DCUN1D1: variants seen among roughly 807,000 people sequenced by gnomAD.
The protein encoded by DCUN1D1 is DCN1-like protein 1.
A neutral mutation model predicts 39.0 loss-of-function variants in DCUN1D1; 3 were observed. The ratio of observed to expected loss-of-function variants is 0.08; its 90% confidence interval spans 0.04 to 0.20. DCUN1D1 has a LOEUF of 0.20. DCUN1D1 is among the 10% of genes least tolerant of loss of function. The probability of loss-of-function intolerance (pLI) is 1.00; values close to 1 mark genes in which losing one functional copy is unlikely to be tolerated. For synonymous variants in DCUN1D1, 82 were observed against 96.3 expected (o/e 0.85, Z 0.87); for missense variants, 158 against 302.4 (o/e 0.52, Z 3.54).
chr3:182,961,922 A>T (rs566369413), intron 3 of DCUN1D1, among the ~76,000 whole-genome samples: 1 of 152,348 alleles, frequency 6.6e-6, no homozygotes, highest in South Asian at 2.1e-4. Flanking sequence ...ACTTTCGAAG[A>T]GTTTGAAAAG....
At chr3:182,970,250 C>T (rs1485826458) in intron 1 of DCUN1D1, among the ~76,000 whole-genome samples, 3 of 150,742 alleles carry the variant, frequency 2.0e-5, no homozygotes, top group African/African-American at 2.5e-5. Flanking sequence ...GGTGACAGAG[C>T]GAAATCTTAA....
chr3:182,973,051 A>AT (rs1728029876), intron 1 of DCUN1D1, among the ~76,000 whole-genome samples: 1 of 151,416 alleles, frequency 6.6e-6, no homozygotes, highest in Non-Finnish European at 1.5e-5. Context: ...TCAAAAAAAA[A>AT]GGGGGGGGCT....
At chr3:182,950,445 C>A (rs1325316291) in intron 4 of DCUN1D1, among the ~76,000 whole-genome samples, 1 of 152,052 alleles carries the variant, frequency 6.6e-6, no homozygotes, top group African/African-American at 2.4e-5. Flanking sequence ...CGCGCCCAGC[C>A]AAGTTATCAC....
At chr3:182,977,662 T>C (rs1456970822) in intron 1 of DCUN1D1, among the ~76,000 whole-genome samples, 2 of 151,916 alleles carry the variant, frequency 1.3e-5, no homozygotes, top group African/African-American at 4.8e-5. Context: ...TCTCAAACTC[T>C]TGACCTTGTG....
chr3:182,984,172 T>G (rs1016627208), upstream of DCUN1D1, among the ~76,000 whole-genome samples: 1 of 152,218 alleles, frequency 6.6e-6, no homozygotes, highest in Admixed American at 6.5e-5. Context: ...TGTAAAGGAA[T>G]GCTTGTTCTC....
intron 6 of DCUN1D1, 128 bp from the exon 7 acceptor site, chr3:182,945,301 C>T: frequency 1.5e-6 from 1 of 674,598 alleles, no homozygotes; most frequent in Non-Finnish European, 2.4e-6. Context: ...TTATCTATTC[C>T]CACTGATTAA....
chr3:182,969,636 A>C (rs754742315), intron 1 of DCUN1D1, among the ~76,000 whole-genome samples: 2 of 152,224 alleles, frequency 1.3e-5, no homozygotes, highest in East Asian at 1.9e-4. Context: ...TCAGTATTCC[A>C]ATGTTAAAAC....
Position 182,944,967 on chromosome 3 carries a change from G to A in DCUN1D1, c.*127C>T, listed in dbSNP as rs1203100700. ...GTCCAAGATGTATCCTTAAAGTTTT[G>A]TCTCAACCCTCAGTCTGAATTGTGA... On this transcript the variant is annotated 3_prime_UTR_variant, in exon 7 of 7. Coordinates refer to ENST00000292782, the MANE Select transcript of DCUN1D1 (RefSeq NM_020640.4). 8 of 758,210 alleles carry A rather than the reference G, an allele frequency of 1.1e-5. No homozygotes were observed. The Admixed American group carries it at 1.8e-4, about 17-fold the overall frequency. The allele number at this position is 758,210 out of a possible 1,614,324, so 47.0% of individuals were successfully genotyped here.
At chr3:182,980,466 C>G (rs759219091) in intron 1 of DCUN1D1, 21 bp downstream of exon 1, 4 of 1,167,328 alleles carry the variant, frequency 3.4e-6, no homozygotes, top group Non-Finnish European at 4.3e-6. Context: ...GCAGGGCGGG[C>G]GGGCGGCCGC....
chr3:182,938,280 G>A lies in DCUN1D1; in HGVS notation c.*6814C>T, dbSNP rs1015542430. 1 of 151,770 alleles carries A rather than the reference G, an allele frequency of 6.6e-6. No individual in the cohort carries two copies. 9.4% of individuals were successfully genotyped at this position (151,770 alleles called of 1,614,324 possible). On this transcript the variant is annotated 3_prime_UTR_variant, in exon 7 of 7. Coordinates refer to ENST00000292782, the MANE Select transcript of DCUN1D1 (RefSeq NM_020640.4). ...AAAATGAATTTGAAGCCAAAGAGTG[G>A]AGAGTGTGGGGATCCACTGGGTAGG...
intron 4 of DCUN1D1, chr3:182,956,229 A>C (rs1358691566): frequency 1.8e-5 from 5 of 278,748 alleles, no homozygotes; most frequent in Admixed American, 6.9e-5. Flanking sequence ...GCCCAGTTGA[A>C]CTTGTCATTT....
chr3:182,980,570 G>T (rs980274068), upstream of DCUN1D1: 6 of 1,165,678 alleles, frequency 5.1e-6, no homozygotes, highest in South Asian at 2.6e-5. Context: ...CTCCTCTCAC[G>T]GGCTTGCCCG....
rs535241420 is a variant in DCUN1D1 at position 182,938,606 on chromosome 3, A to C, written c.*6488T>G. The C allele has an allele frequency of 6.6e-6, 1 of 152,190 alleles. No homozygotes were observed. Among genetic ancestry groups the C allele is most frequent in the Non-Finnish European group, 1.5e-5 (1 of 68,024 alleles). The allele number at this position is 152,190 out of a possible 1,614,324, so 9.4% of individuals were successfully genotyped here. ...TTGGCCATGGATTGATCATGTTAACATGAGTTCATTATGCAATTGTCCTTT... is the reference window on the plus strand; with the variant it reads ...TTGGCCATGGATTGATCATGTTAACCTGAGTTCATTATGCAATTGTCCTTT... On this transcript the variant is annotated 3_prime_UTR_variant, in exon 7 of 7. Coordinates refer to ENST00000292782, the MANE Select transcript of DCUN1D1 (RefSeq NM_020640.4).
chr3:182,942,930 ATAAT>A lies in DCUN1D1; in HGVS notation c.*2160_*2163del, dbSNP rs1010808672. 51 of 152,524 alleles carry A rather than the reference ATAAT, an allele frequency of 3.3e-4. No individual in the cohort carries two copies. The highest frequency in any genetic ancestry group is 1.1e-3 in the African/African-American group (47 of 41,504). The allele number at this position is 152,524 out of a possible 1,614,324, so 9.4% of individuals were successfully genotyped here. ...TGAACAACCTTAACTTTTATGCTAC[ATAAT>A]TATATTCAAAGCTTTATGTATTTTT... is the stretch of plus-strand genomic sequence containing the variant. On this transcript the variant is annotated 3_prime_UTR_variant, in exon 7 of 7. Coordinates refer to ENST00000292782, the MANE Select transcript of DCUN1D1 (RefSeq NM_020640.4).
intron 1 of DCUN1D1, among the ~76,000 whole-genome samples, chr3:182,973,642 A>C (rs1049938165): frequency 2.0e-5 from 3 of 152,096 alleles, no homozygotes; most frequent in Non-Finnish European, 4.4e-5. Flanking sequence ...CCCCGTCTCT[A>C]CTAAAAATAC....
At chr3:182,977,183 G>A (rs1728278413) in intron 1 of DCUN1D1, among the ~76,000 whole-genome samples, 1 of 152,164 alleles carries the variant, frequency 6.6e-6, no homozygotes, top group South Asian at 2.1e-4. Flanking sequence ...TGGTAGACCA[G>A]GAGAAAATAG....
chr3:182,946,556 CAAAAAAAAAAAA>C (rs71185614), intron 6 of DCUN1D1, among the ~76,000 whole-genome samples: 1 of 61,562 alleles, frequency 1.6e-5, no homozygotes, highest in Non-Finnish European at 2.7e-5. Flanking sequence ...GACTCCATCT[CAAAAAAAAAAAA>C]AAAAAAAAAA....
upstream of DCUN1D1, chr3:182,985,357 G>C (rs1728693427): frequency 6.6e-6 from 1 of 152,394 alleles, no homozygotes; most frequent in South Asian, 2.1e-4. Flanking sequence ...GGCCGGACTT[G>C]GTGGCTCACA....
At chr3:182,958,196 A>G (rs1439760393) in intron 4 of DCUN1D1, among the ~76,000 whole-genome samples, 3 of 151,788 alleles carry the variant, frequency 2.0e-5, no homozygotes, top group Non-Finnish European at 4.4e-5. Flanking sequence ...AAGTCATTAC[A>G]TTTCCTGATA....
Sources: allele counts gnomAD v4.1 joint callset (sites outside exome capture counted in the v4.1 genomes callset), GRCh38; gene constraint gnomAD v4.1.1; transcripts MANE v1.5; gene names NCBI Gene and HGNC (gene_info 2026-07-23, HGNC 2026-07-21).